Variants in PPFIBP2 observed in about 807,000 individuals in gnomAD.
The protein encoded by PPFIBP2 is PPFIB scaffold protein 2.
Under a neutral mutation model 118.3 loss-of-function variants are expected in PPFIBP2, and 118 were observed. That is an observed-to-expected ratio of 1.00 (90% confidence interval 0.86 to 1.16). The LOEUF (loss-of-function observed/expected upper bound fraction) is 1.16. Ranked by LOEUF, PPFIBP2 falls within the 50% of genes most tolerant of loss-of-function variation. The pLI, the probability that PPFIBP2 is intolerant of heterozygous loss-of-function variation, is 0.00. For synonymous variants in PPFIBP2, 414 were observed against 397.4 expected (o/e 1.04, Z -0.50); for missense variants, 1,195 against 1,073.1 (o/e 1.11, Z -1.59).
chr11:7,541,048 A>C (rs1241819734), intron 1 of PPFIBP2, among the ~76,000 whole-genome samples: 1 of 152,226 alleles, frequency 6.6e-6, no homozygotes, highest in African/African-American at 2.4e-5. Context: ...CATGATTTCT[A>C]CTGTGTGGCT....
At chr11:7,622,195 AAGC>A (rs1026995376) in intron 7 of PPFIBP2, among the ~76,000 whole-genome samples, 1 of 152,216 alleles carries the variant, frequency 6.6e-6, no homozygotes, top group African/African-American at 2.4e-5. Flanking sequence ...CAGAAGGAAA[AAGC>A]AGGAGCAAGT....
chr11:7,564,593 A>T (rs1854736686), intron 2 of PPFIBP2, among the ~76,000 whole-genome samples: 1 of 152,224 alleles, frequency 6.6e-6, no homozygotes, highest in Non-Finnish European at 1.5e-5. Flanking sequence ...AGTGGCTTAA[A>T]ACTACCATCG....
intron 9 of PPFIBP2, among the ~76,000 whole-genome samples, chr11:7,629,164 G>A (rs1590692859): frequency 6.6e-6 from 1 of 152,144 alleles, no homozygotes; most frequent in Non-Finnish European, 1.5e-5. Flanking sequence ...AGATTTCAAT[G>A]GCCACTTCAG....
intron 2 of PPFIBP2, among the ~76,000 whole-genome samples, chr11:7,563,358 T>C (rs190420092): frequency 1.2e-4 from 19 of 152,280 alleles, no homozygotes; most frequent in Non-Finnish European, 2.1e-4. Context: ...CCACTCTTAA[T>C]TGGATTTGTA....
intron 19 of PPFIBP2, 62 bp downstream of exon 19, chr11:7,648,973 T>C: frequency 6.7e-7 from 1 of 1,492,706 alleles, no homozygotes; most frequent in Non-Finnish European, 9.3e-7. Flanking sequence ...AGAAAGAATT[T>C]TCCTGTTAAA....
chr11:7,613,122 C>G (rs1848260452), intron 6 of PPFIBP2, among the ~76,000 whole-genome samples: 1 of 152,054 alleles, frequency 6.6e-6, no homozygotes, highest in African/African-American at 2.4e-5. Flanking sequence ...GTGAGATAGC[C>G]AGATCTGAAA....
At chr11:7,663,522 C>A in the PPFIBP2 span, among the ~76,000 whole-genome samples, 1 of 152,146 alleles carries the variant, frequency 6.6e-6, no homozygotes, top group African/African-American at 2.4e-5. Context: ...TCTGCAGCTG[C>A]GAGCTGGGAG....
chr11:7,570,141 C>A (rs1855493021), intron 3 of PPFIBP2, among the ~76,000 whole-genome samples: 1 of 34,664 alleles, frequency 2.9e-5, no homozygotes, highest in Non-Finnish European at 5.4e-5. Flanking sequence ...CCCTCCACAC[C>A]TGCTTGGCTT....
chr11:7,537,796 C>T (rs925446151), intron 1 of PPFIBP2, among the ~76,000 whole-genome samples: 2 of 152,150 alleles, frequency 1.3e-5, no homozygotes, highest in Admixed American at 1.3e-4. Context: ...GGCACAGATC[C>T]CTGCCTCGCT....
intron 1 of PPFIBP2, among the ~76,000 whole-genome samples, chr11:7,517,990 G>T (rs1849388299): frequency 6.6e-6 from 1 of 152,234 alleles, no homozygotes; most frequent in African/African-American, 2.4e-5. Flanking sequence ...CTGGACCAGT[G>T]GCTTTCATTG....
At chr11:7,635,375 A>G (rs1164073426) in intron 13 of PPFIBP2, among the ~76,000 whole-genome samples, 177 bp from the exon 14 acceptor site, 1 of 152,186 alleles carries the variant, frequency 6.6e-6, no homozygotes, top group Non-Finnish European at 1.5e-5. Flanking sequence ...ACATCTGTCC[A>G]TGGAGTTGGA....
intron 1 of PPFIBP2, among the ~76,000 whole-genome samples, chr11:7,527,725 C>G (rs1237665062): frequency 6.6e-6 from 1 of 152,028 alleles, no homozygotes; most frequent in Non-Finnish European, 1.5e-5. Context: ...CCAGAGTTGC[C>G]CGTTTCTATG....
Position 7,642,347 on chromosome 11 carries a change from G to T in PPFIBP2, c.1567G>T (p.Ala523Ser). ...GNFYTDTLGM[A>S]EFRRGGLRAT... Reference sequence around the variant, plus strand: ...TTTCTACACTGACACGCTGGGGATGGCAGAGTTTCGACGAGGTGGGCTCCG... The same window carrying T: ...TTTCTACACTGACACGCTGGGGATGTCAGAGTTTCGACGAGGTGGGCTCCG... Residue 523 changes from alanine to serine, a missense_variant, in exon 17 of 24, where the codon GCA (alanine) becomes TCA (serine). By Grantham distance (99) the Ala-to-Ser change is moderately conservative. Coordinates refer to ENST00000299492, the MANE Select transcript of PPFIBP2 (RefSeq NM_003621.5). The T allele has an allele frequency of 6.2e-7, 1 of 1,614,128 alleles. No homozygotes were observed. The highest frequency in any genetic ancestry group is 8.5e-7 in the Non-Finnish European group (1 of 1,179,990).
intron 1 of PPFIBP2, among the ~76,000 whole-genome samples, chr11:7,528,141 A>G (rs1850385955): frequency 6.6e-6 from 1 of 152,184 alleles, no homozygotes; most frequent in Non-Finnish European, 1.5e-5. Flanking sequence ...GCAGTCTTAA[A>G]TTTACAGTGA....
intron 2 of PPFIBP2, among the ~76,000 whole-genome samples, chr11:7,562,526 A>C (rs1854416704): frequency 6.6e-6 from 1 of 152,194 alleles, no homozygotes; most frequent in Non-Finnish European, 1.5e-5. Flanking sequence ...ACACAGAGCA[A>C]CCGTGATATA....
intron 15 of PPFIBP2, chr11:7,640,996 TC>T (rs1318559830): frequency 8.0e-7 from 1 of 1,254,802 alleles, no homozygotes; most frequent in Non-Finnish European, 1.0e-6. Context: ...CTCTCTTGTT[TC>T]TTCATGTGGC....
At chr11:7,549,603 C>A in intron 2 of PPFIBP2, 64 bp downstream of exon 2, 3 of 1,195,136 alleles carry the variant, frequency 2.5e-6, no homozygotes, top group Non-Finnish European at 3.3e-6. Context: ...TGCTTCTCTC[C>A]TTTTACTTTT....
At chr11:7,650,315 A>G (rs1242719067) in intron 21 of PPFIBP2, among the ~76,000 whole-genome samples, 1 of 152,088 alleles carries the variant, frequency 6.6e-6, no homozygotes, top group Non-Finnish European at 1.5e-5. Context: ...TTTGCTGTCT[A>G]TCTCCTATTT....
intron 12 of PPFIBP2, among the ~76,000 whole-genome samples, 164 bp downstream of exon 12, chr11:7,633,098 G>A (rs1850993991): frequency 6.6e-6 from 1 of 152,188 alleles, no homozygotes; most frequent in South Asian, 2.1e-4. Flanking sequence ...TACCTCTTTT[G>A]GCCACAGAAG....
Sources: gnomAD v4.1 joint callset for allele counts (sites outside exome capture counted in the v4.1 genomes callset) on GRCh38, gnomAD v4.1.1 for gene constraint, MANE v1.5 for transcripts, NCBI Gene and HGNC (gene_info 2026-07-23, HGNC 2026-07-21) for gene names.